The following SUMF1 variants were observed in gnomAD, a reference collection of about 807,000 sequenced individuals.
SUMF1 encodes formylglycine-generating enzyme.
A neutral mutation model predicts 47.6 loss-of-function variants in SUMF1; 48 were observed. That is an observed-to-expected ratio of 1.01 (90% confidence interval 0.80 to 1.28). The LOEUF is 1.28. Among genes scored for constraint, SUMF1 ranks in the 50% most tolerant of loss-of-function variants. The probability of loss-of-function intolerance (pLI) is 0.00; values close to 1 mark genes in which losing one functional copy is unlikely to be tolerated. For synonymous variants in SUMF1, 230 were observed against 192.1 expected, an observed-to-expected ratio of 1.20 and a Z score of -1.63; for missense variants, 571 against 485.4, an observed-to-expected ratio of 1.18 and a Z score of -1.66.
intron 8 of SUMF1, among the ~76,000 whole-genome samples, chr3:4,078,543 T>C (rs1264143045): frequency 6.6e-6 from 1 of 151,796 alleles, no homozygotes; most frequent in African/African-American, 2.4e-5. Flanking sequence ...ATTTATATGG[T>C]GCTAATTATA....
At chr3:4,226,249 G>A (rs76431513) in intron 8 of SUMF1, among the ~76,000 whole-genome samples, 8 of 125,434 alleles carry the variant, frequency 6.4e-5, no homozygotes, top group Admixed American at 4.1e-4. Flanking sequence ...CATGATTATT[G>A]TTTTTTTTTT....
At chr3:4,407,210 TG>T (rs1310312011) in intron 7 of SUMF1, among the ~76,000 whole-genome samples, 1 of 152,202 alleles carries the variant, frequency 6.6e-6, no homozygotes, top group African/African-American at 2.4e-5. Context: ...AACCTGCTTT[TG>T]CCATAAATGA....
At chr3:4,242,364 G>A (rs911643277) in intron 8 of SUMF1, among the ~76,000 whole-genome samples, 1 of 152,164 alleles carries the variant, frequency 6.6e-6, no homozygotes, top group Non-Finnish European at 1.5e-5. Flanking sequence ...AGTTTTCAGA[G>A]GGAATGCTTC....
intron 8 of SUMF1, among the ~76,000 whole-genome samples, chr3:4,108,217 T>G (rs1413705793): frequency 6.6e-6 from 1 of 152,170 alleles, no homozygotes; most frequent in Non-Finnish European, 1.5e-5. Flanking sequence ...TTGTTCAGTT[T>G]CCATGTAGTT....
At chr3:4,248,749 G>C (rs762641543) in intron 8 of SUMF1, among the ~76,000 whole-genome samples, 2 of 152,200 alleles carry the variant, frequency 1.3e-5, no homozygotes, top group African/African-American at 4.8e-5. Context: ...ACATGGGGTG[G>C]CTATTGAAGA....
At chr3:4,417,879 G>C in intron 5 of SUMF1, 131 bp downstream of exon 5, 1 of 1,520,066 alleles carries the variant, frequency 6.6e-7, no homozygotes, top group Non-Finnish European at 9.1e-7. Flanking sequence ...GTAATTTCGT[G>C]GAAAAATAAG....
chr3:4,095,451 CT>C (rs554760521), intron 8 of SUMF1, among the ~76,000 whole-genome samples: 1 of 151,842 alleles, frequency 6.6e-6, no homozygotes, highest in Non-Finnish European at 1.5e-5. Context: ...CCTAATGTCT[CT>C]TTTTTTTGTA....
chr3:4,060,129 G>C (rs187245160), intron 9 of SUMF1, among the ~76,000 whole-genome samples: 1 of 152,174 alleles, frequency 6.6e-6, no homozygotes, highest in East Asian at 1.9e-4. Context: ...TCAGATTTAC[G>C]TTTTGAAAAA....
intron 7 of SUMF1, among the ~76,000 whole-genome samples, chr3:4,398,366 T>C (rs905227406): frequency 6.6e-6 from 1 of 151,830 alleles, no homozygotes. Context: ...GATATGCATA[T>C]TCCTATATTA....
At chr3:4,090,899 G>A (rs1032185430) in intron 8 of SUMF1, among the ~76,000 whole-genome samples, 1 of 152,010 alleles carries the variant, frequency 6.6e-6, no homozygotes, top group Non-Finnish European at 1.5e-5. Context: ...GGCTAACACG[G>A]TGAAACCTCA....
chr3:4,348,308 T>G (rs879461859), intron 8 of SUMF1, among the ~76,000 whole-genome samples: 1 of 152,204 alleles, frequency 6.6e-6, no homozygotes, highest in Admixed American at 6.5e-5. Context: ...CAAAACAGCA[T>G]GGTACTGGTA....
At chr3:4,166,937 C>G (rs1022664340) in intron 8 of SUMF1, among the ~76,000 whole-genome samples, 1 of 152,060 alleles carries the variant, frequency 6.6e-6, no homozygotes, top group Non-Finnish European at 1.5e-5. Flanking sequence ...TTTAGTCCAG[C>G]GGCTGCACTA....
chr3:4,273,657 A>G (rs773860906), intron 8 of SUMF1, among the ~76,000 whole-genome samples: 11 of 146,360 alleles, frequency 7.5e-5, no homozygotes, highest in Non-Finnish European at 7.5e-5. Context: ...ACATTAAGTA[A>G]ATTATACTCA....
At chr3:4,079,123 C>G (rs1222997013) in intron 8 of SUMF1, among the ~76,000 whole-genome samples, 1 of 152,088 alleles carries the variant, frequency 6.6e-6, no homozygotes, top group East Asian at 1.9e-4. Context: ...CATTTTAGCC[C>G]TTCCCACACT....
intron 7 of SUMF1, among the ~76,000 whole-genome samples, chr3:4,402,011 G>A (rs1701228281): frequency 6.6e-6 from 1 of 152,046 alleles, no homozygotes; most frequent in Non-Finnish European, 1.5e-5. Flanking sequence ...ATAAGAAGTA[G>A]GAAAATATGT....
chr3:4,391,764 TG>T (rs1458276720), intron 7 of SUMF1, among the ~76,000 whole-genome samples: 1 of 152,138 alleles, frequency 6.6e-6, no homozygotes, highest in African/African-American at 2.4e-5. Flanking sequence ...ATTACAGGCA[TG>T]GGCCACCATG....
intron 8 of SUMF1, among the ~76,000 whole-genome samples, chr3:4,142,824 A>G (rs1232340904): frequency 3.3e-5 from 5 of 152,094 alleles, no homozygotes; most frequent in Admixed American, 3.3e-4. Context: ...GCCCCCAAAA[A>G]GCCATCCATG....
intron 8 of SUMF1, among the ~76,000 whole-genome samples, chr3:4,089,261 T>C (rs1309762186): frequency 6.6e-6 from 1 of 152,138 alleles, no homozygotes; most frequent in Non-Finnish European, 1.5e-5. Context: ...TTTCTTAAAA[T>C]GTAATACTTT....
chr3:4,246,986 C>T (rs1470189099), intron 8 of SUMF1, among the ~76,000 whole-genome samples: 1 of 152,136 alleles, frequency 6.6e-6, no homozygotes, highest in Non-Finnish European at 1.5e-5. Context: ...AACTACGCAG[C>T]TTTAAGTATA....
Sources: gnomAD v4.1 joint callset for allele counts (sites outside exome capture counted in the v4.1 genomes callset) on GRCh38, gnomAD v4.1.1 for gene constraint, MANE v1.5 for transcripts, NCBI Gene and HGNC (gene_info 2026-07-23, HGNC 2026-07-21) for gene names.